Variants in MCUB observed in about 807,000 individuals in gnomAD.
The protein encoded by MCUB is mitochondrial calcium uniporter dominant negative subunit beta.
Under a neutral mutation model 41.4 loss-of-function variants are expected in MCUB, and 46 were observed. That is an observed-to-expected ratio of 1.11 (90% CI 0.88 to 1.42). The LOEUF is 1.42. Ranked by LOEUF, MCUB falls within the 40% of genes most tolerant of loss-of-function variation. The pLI is 0.00. For missense variants in MCUB, 403 were observed against 404.9 expected (o/e 1.00, Z 0.04); for synonymous variants, 148 against 148.2 (o/e 1.00, Z 0.01).
intron 3 of MCUB, among the ~76,000 whole-genome samples, chr4:109,663,928 C>A (rs1579090190): frequency 1.3e-5 from 2 of 152,038 alleles, no homozygotes; most frequent in East Asian, 3.9e-4. Flanking sequence ...CACCCTACCC[C>A]CAAAACTGTC....
At chr4:109,587,108 T>C (rs937683467) in intron 1 of MCUB, among the ~76,000 whole-genome samples, 3 of 152,240 alleles carry the variant, frequency 2.0e-5, no homozygotes, top group African/African-American at 7.2e-5. Context: ...TGCGGTGGGC[T>C]CTGCCCAGTT....
chr4:109,681,200 T>G (rs535880394), intron 4 of MCUB, among the ~76,000 whole-genome samples: 2 of 152,218 alleles, frequency 1.3e-5, no homozygotes, highest in Non-Finnish European at 1.5e-5. Flanking sequence ...GAGGTGGCTC[T>G]GAACCTCAGC....
intron 1 of MCUB, among the ~76,000 whole-genome samples, chr4:109,592,207 C>T (rs1269215620): frequency 1.3e-5 from 2 of 151,448 alleles, no homozygotes; most frequent in East Asian, 2.0e-4. Context: ...GTCAGGAGTT[C>T]GAGACCAGCC....
In MCUB at chr4:109,598,267, G is replaced by A. The variant is rs534037392; in HGVS notation, c.99+37831G>A. Reference sequence around the variant, plus strand: ...GCGGCTGGGAGGTGGAGGTTGTAGCGAGCCGAGATCATGCCACTGCACTCC... The same window carrying A: ...GCGGCTGGGAGGTGGAGGTTGTAGCAAGCCGAGATCATGCCACTGCACTCC... On this transcript the variant is annotated intron_variant, in intron 1 of 7. Coordinates refer to ENST00000394650, the MANE Select transcript of MCUB (RefSeq NM_017918.5). Among the ~76,000 whole-genome samples the A allele has an allele frequency of 3.6e-3, 544 of 151,848 alleles. 7 individuals carry two copies. Among genetic ancestry groups the A allele is most frequent in the East Asian group, 0.013 (69 of 5,148 alleles).
chr4:109,624,702 C>G (rs1019795564), intron 1 of MCUB, among the ~76,000 whole-genome samples: 2 of 152,084 alleles, frequency 1.3e-5, no homozygotes, highest in African/African-American at 4.8e-5. Context: ...AAGAAACTGG[C>G]AGAGATATTT....
intron 1 of MCUB, among the ~76,000 whole-genome samples, chr4:109,620,720 A>T (rs1285343074): frequency 6.6e-6 from 1 of 152,022 alleles, no homozygotes; most frequent in Admixed American, 6.6e-5. Context: ...AGTATTGATT[A>T]CATTAATAAC....
At chr4:109,613,759 G>A (rs1728068692) in intron 1 of MCUB, among the ~76,000 whole-genome samples, 1 of 152,106 alleles carries the variant, frequency 6.6e-6, no homozygotes. Context: ...ATCACTGAGT[G>A]CCATATTCTT....
chr4:109,569,924 A>C (rs1726874477), intron 1 of MCUB, among the ~76,000 whole-genome samples: 1 of 152,176 alleles, frequency 6.6e-6, no homozygotes, highest in African/African-American at 2.4e-5. Context: ...GGCTGTCAGG[A>C]AGCAATATAA....
chr4:109,681,524 T>C, intron 4 of MCUB: 1 of 440,386 alleles, frequency 2.3e-6, no homozygotes, highest in Non-Finnish European at 4.5e-6. Flanking sequence ...TTCTCTGACC[T>C]GGGGTTCTTG....
intron 4 of MCUB, chr4:109,674,108 CA>C: frequency 1.4e-6 from 2 of 1,444,480 alleles, no homozygotes; most frequent in Non-Finnish European, 1.9e-6. Flanking sequence ...GAATTCTGGG[CA>C]AAACCTAAGC....
At chr4:109,593,336 T>G (rs931864384) in intron 1 of MCUB, among the ~76,000 whole-genome samples, 12 of 152,218 alleles carry the variant, frequency 7.9e-5, no homozygotes, top group African/African-American at 2.9e-4. Flanking sequence ...TAAAGTAACC[T>G]TGGGAAAAGA....
intron 1 of MCUB, among the ~76,000 whole-genome samples, chr4:109,603,939 T>C (rs1293674724): frequency 1.3e-5 from 2 of 152,154 alleles, no homozygotes; most frequent in African/African-American, 4.8e-5. Context: ...TTTTGTTGAA[T>C]AGAAAAGGGG....
At chr4:109,686,430 T>C (rs982050165) in intron 7 of MCUB, among the ~76,000 whole-genome samples, 5 of 152,346 alleles carry the variant, frequency 3.3e-5, no homozygotes, top group Middle Eastern at 3.4e-3. Context: ...TGAGCCACCA[T>C]GTCCAGCCAA....
intron 3 of MCUB, among the ~76,000 whole-genome samples, chr4:109,663,200 G>C (rs1344500886): frequency 1.3e-5 from 2 of 152,196 alleles, no homozygotes; most frequent in Non-Finnish European, 1.5e-5. Context: ...TACACATCCA[G>C]CATTTTCCTG....
Position 109,606,131 on chromosome 4 carries a change from C to T in MCUB, c.99+45695C>T, listed in dbSNP as rs542365962. Among the ~76,000 whole-genome samples, 688 of 152,218 alleles carry T rather than the reference C, an allele frequency of 4.5e-3. 11 individuals carry two copies. Among genetic ancestry groups the T allele is most frequent in the Non-Finnish European group, 8.5e-3 (576 of 68,016 alleles). On this transcript the variant is annotated intron_variant, in intron 1 of 7. Transcript: ENST00000394650. ...CTGGGACTACAGGCACCTGCCACCA[C>T]GCCCAGCTAATATTTTGTATTTTTA... is the stretch of plus-strand genomic sequence containing the variant.
At chr4:109,608,822 T>C (rs1443508762) in intron 1 of MCUB, among the ~76,000 whole-genome samples, 1 of 152,166 alleles carries the variant, frequency 6.6e-6, no homozygotes, top group African/African-American at 2.4e-5. Context: ...GTATTTATTG[T>C]AGTCTTTGCA....
At chr4:109,605,821 A>G (rs963477010) in intron 1 of MCUB, among the ~76,000 whole-genome samples, 5 of 151,850 alleles carry the variant, frequency 3.3e-5, no homozygotes, top group Non-Finnish European at 4.4e-5. Context: ...CTTGAAATCC[A>G]TTTTGTCCCA....
intron 1 of MCUB, among the ~76,000 whole-genome samples, chr4:109,631,284 T>G (rs1299842498): frequency 2.6e-5 from 4 of 152,238 alleles, no homozygotes; most frequent in Non-Finnish European, 5.9e-5. Flanking sequence ...TGTCAACACA[T>G]TTCTAGTTGA....
rs1052544783 is a variant in MCUB, at chr4:109,651,352, C to T, written c.100-7659C>T. Among the ~76,000 whole-genome samples, 6 of 152,232 alleles carry T rather than the reference C, an allele frequency of 3.9e-5. No individual in the cohort carries two copies. The East Asian group carries it at 9.7e-4, about 25-fold the overall frequency. ...TTGCTTTCTAGTACAGCAAGATGCTCTAGGTTCATTTTGTCCTTATCCATG... is the reference window on the plus strand; with the variant it reads ...TTGCTTTCTAGTACAGCAAGATGCTTTAGGTTCATTTTGTCCTTATCCATG... On this transcript the variant is annotated intron_variant, in intron 1 of 7. Transcript: ENST00000394650.
Sources: allele counts gnomAD v4.1 joint callset (sites outside exome capture counted in the v4.1 genomes callset), GRCh38; gene constraint gnomAD v4.1.1; transcripts MANE v1.5; gene names NCBI Gene and HGNC (gene_info 2026-07-23, HGNC 2026-07-21).